Variants in TATDN1 observed in about 807,000 individuals in gnomAD.
TATDN1 encodes the protein TatD DNase domain containing 1.
In TATDN1, 40 loss-of-function variants were observed where a neutral mutation model predicts 46.4. That is an observed-to-expected ratio of 0.86 (90% confidence interval 0.67 to 1.12). The LOEUF is 1.12. Among genes scored for constraint, TATDN1 ranks in the 50% most tolerant of loss-of-function variants. The pLI is 0.00. For synonymous variants in TATDN1, 95 were observed against 105.6 expected, an observed-to-expected ratio of 0.90 and a Z score of 0.62; for missense variants, 326 against 348.4, an observed-to-expected ratio of 0.94 and a Z score of 0.51.
intron 4 of TATDN1, among the ~76,000 whole-genome samples, chr8:124,517,301 G>C (rs990184406): frequency 6.6e-6 from 1 of 151,938 alleles, no homozygotes; most frequent in Non-Finnish European, 1.5e-5. Context: ...GGTGGCACAC[G>C]CCTGTAATCC....
At chr8:124,522,330 T>G (rs185313146) in intron 2 of TATDN1, 130 bp from the exon 3 acceptor site, 1 of 668,174 alleles carries the variant, frequency 1.5e-6, no homozygotes, top group African/African-American at 1.9e-5. Flanking sequence ...TAAGAAGACC[T>G]TAATTAAACT....
At chr8:124,532,943 C>T (rs192324498) in intron 1 of TATDN1, among the ~76,000 whole-genome samples, 82 of 152,236 alleles carry the variant, frequency 5.4e-4, no homozygotes, top group African/African-American at 1.3e-3. Context: ...TCTTTGGGTG[C>T]GTTAATCTCT....
chr8:124,537,904 C>A (rs935078920), intron 1 of TATDN1, among the ~76,000 whole-genome samples: 1 of 151,926 alleles, frequency 6.6e-6, no homozygotes, highest in Admixed American at 6.6e-5. Context: ...GAAAACTGCA[C>A]CACTAGATTT....
chr8:124,522,772 C>G (rs550682147), intron 2 of TATDN1, among the ~76,000 whole-genome samples, 165 bp downstream of exon 2: 54 of 152,270 alleles, frequency 3.5e-4, no homozygotes, highest in African/African-American at 1.2e-3. Context: ...CCAGGCTGCT[C>G]TTGAACTCCT....
At chr8:124,539,086 G>A (rs183232063), upstream of TATDN1, 222 of 1,611,222 alleles carry the variant, frequency 1.4e-4, no homozygotes, top group East Asian at 3.8e-3. Flanking sequence ...AGCGGAAGTG[G>A]CCGCCGGCAA....
intron 4 of TATDN1, among the ~76,000 whole-genome samples, chr8:124,517,852 A>G (rs1819621633): frequency 6.6e-6 from 1 of 152,222 alleles, no homozygotes; most frequent in African/African-American, 2.4e-5. Flanking sequence ...AAGTTAAAAA[A>G]GAGTAAATAA....
chr8:124,504,436 T>C (rs1470645365), intron 8 of TATDN1, 89 bp from the exon 9 acceptor site: 7 of 806,260 alleles, frequency 8.7e-6, no homozygotes, highest in South Asian at 3.3e-5. Context: ...GGCAAAAATA[T>C]AGATCCCTGT....
rs1818702592 is a variant in TATDN1 at position 124,508,461 on chromosome 8, A to AT, written c.516+12dup. The AT allele has an allele frequency of 6.2e-7, 1 of 1,610,006 alleles. No homozygotes were observed. The highest frequency in any genetic ancestry group is 8.5e-7 in the Non-Finnish European group (1 of 1,176,966). On this transcript the variant is annotated intron_variant, in intron 8 of 11. Coordinates refer to ENST00000276692, the MANE Select transcript of TATDN1 (RefSeq NM_032026.4). ...TGTTCAACCTGTATTAAAAATGACT[A>AT]TTTTATACTTACCACTCCCCCTACA... is the stretch of plus-strand genomic sequence containing the variant.
intron 1 of TATDN1, among the ~76,000 whole-genome samples, chr8:124,530,541 A>C (rs1271425920): frequency 2.0e-5 from 3 of 152,234 alleles, no homozygotes; most frequent in African/African-American, 7.2e-5. Flanking sequence ...AAACTGAACC[A>C]AGGGAAAAAC....
intron 6 of TATDN1, among the ~76,000 whole-genome samples, chr8:124,515,396 A>C (rs1388402992): frequency 6.6e-6 from 1 of 152,054 alleles, no homozygotes; most frequent in East Asian, 1.9e-4. Context: ...AAAACAAAAC[A>C]ATCACATTCC....
chr8:124,500,578 G>A (rs1286714882), intron 9 of TATDN1, among the ~76,000 whole-genome samples: 1 of 151,920 alleles, frequency 6.6e-6, no homozygotes, highest in East Asian at 1.9e-4. Flanking sequence ...ATGGTGATAG[G>A]AGCTTGTGGT....
intron 11 of TATDN1, among the ~76,000 whole-genome samples, chr8:124,490,596 C>A (rs1563638067): frequency 6.6e-6 from 1 of 152,196 alleles, no homozygotes; most frequent in Admixed American, 6.5e-5. Flanking sequence ...GGAAATCTTT[C>A]TTCGAATAAC....
intron 4 of TATDN1, 34 bp downstream of exon 4, chr8:124,518,784 C>T (rs1235296609): frequency 6.7e-7 from 1 of 1,482,634 alleles, no homozygotes. Context: ...TTACTTAATT[C>T]ATTTTTTTTT....
chr8:124,538,117 C>G (rs1395148059), intron 1 of TATDN1, among the ~76,000 whole-genome samples: 2 of 152,196 alleles, frequency 1.3e-5, no homozygotes, highest in African/African-American at 2.4e-5. Flanking sequence ...CACCGCCAAA[C>G]TAGTCATGCT....
At chr8:124,500,835 A>T (rs1156521422) in intron 9 of TATDN1, among the ~76,000 whole-genome samples, 1 of 152,154 alleles carries the variant, frequency 6.6e-6, no homozygotes, top group Non-Finnish European at 1.5e-5. Context: ...TGTTACCCCA[A>T]ATCACAACAT....
At chr8:124,488,798 TTAATA>T (rs1816641202) in intron 11 of TATDN1, 102 bp from the exon 12 acceptor site, 8 of 714,076 alleles carry the variant, frequency 1.1e-5, no homozygotes, top group Middle Eastern at 2.4e-4. Context: ...TGGCACACCT[TTAATA>T]TAATAAAGCT....
chr8:124,517,080 G>A (rs1033504426), intron 4 of TATDN1, among the ~76,000 whole-genome samples: 3 of 152,184 alleles, frequency 2.0e-5, no homozygotes, highest in Non-Finnish European at 4.4e-5. Context: ...AGGATAAAAT[G>A]TTCTTATATA....
At chr8:124,526,871 A>G (rs545517869) in intron 1 of TATDN1, 1 of 152,350 alleles carries the variant, frequency 6.6e-6, no homozygotes, top group South Asian at 2.1e-4. Context: ...TGTTTTTTAG[A>G]TATTGCTAGT....
At chr8:124,534,472 T>A (rs554931207) in intron 1 of TATDN1, among the ~76,000 whole-genome samples, 1 of 152,144 alleles carries the variant, frequency 6.6e-6, no homozygotes, top group Admixed American at 6.5e-5. Flanking sequence ...CTCACAATAC[T>A]CTGAATTTTT....
Sources: allele counts gnomAD v4.1 joint callset (sites outside exome capture counted in the v4.1 genomes callset), GRCh38; gene constraint gnomAD v4.1.1; transcripts MANE v1.5; gene names NCBI Gene and HGNC (gene_info 2026-07-23, HGNC 2026-07-21).